The following GRM7 variants were observed in gnomAD, a reference collection of about 807,000 sequenced individuals.
GRM7 encodes the protein glutamate metabotropic receptor 7, also known as metabotropic glutamate receptor 7.
Under a neutral mutation model 84.5 loss-of-function variants are expected in GRM7, and 35 were observed. The observed-to-expected ratio is 0.41, with a 90% CI of 0.32 to 0.55. GRM7 has a LOEUF of 0.55. Among genes scored for constraint, GRM7 ranks in the 20% least tolerant of loss-of-function variants. GRM7 has a pLI of 0.19. For synonymous variants in GRM7, 487 were observed against 455.1 expected (o/e 1.07, Z -0.89); for missense variants, 1,003 against 1,194.6 (o/e 0.84, Z 2.36).
At chr3:7,612,234 A>T (rs1291060175) in intron 8 of GRM7, among the ~76,000 whole-genome samples, 1 of 152,192 alleles carries the variant, frequency 6.6e-6, no homozygotes, top group African/African-American at 2.4e-5. Flanking sequence ...ACGTGCCCTT[A>T]GTCACTTTTC....
chr3:7,521,755 T>C (rs1222486795), intron 7 of GRM7, among the ~76,000 whole-genome samples: 1 of 152,218 alleles, frequency 6.6e-6, no homozygotes, highest in Admixed American at 6.5e-5. Flanking sequence ...GCCTCTCAGA[T>C]ACTGCTATGC....
At chr3:7,108,394 C>T (rs956790921) in intron 1 of GRM7, among the ~76,000 whole-genome samples, 3 of 152,014 alleles carry the variant, frequency 2.0e-5, no homozygotes, top group Non-Finnish European at 4.4e-5. Context: ...TTATTGAACA[C>T]AGGTCCACTA....
intron 9 of GRM7, among the ~76,000 whole-genome samples, chr3:7,733,610 G>C (rs537708920): frequency 2.8e-4 from 42 of 152,206 alleles, no homozygotes; most frequent in Admixed American, 1.5e-3. Flanking sequence ...TAACCTCCTG[G>C]GAATGCAGCT....
intron 1 of GRM7, among the ~76,000 whole-genome samples, chr3:6,897,317 G>T (rs1696219807): frequency 6.6e-6 from 1 of 152,302 alleles, no homozygotes; most frequent in South Asian, 2.1e-4. Flanking sequence ...CTTGGGCCTT[G>T]CCCTAGACGG....
At chr3:7,634,602 A>G (rs1002337858) in intron 8 of GRM7, among the ~76,000 whole-genome samples, 8 of 150,774 alleles carry the variant, frequency 5.3e-5, no homozygotes, top group Non-Finnish European at 8.8e-5. Context: ...AGACCATCCT[A>G]GCTAACAGAG....
At position 7,176,809 on chromosome 3, in the gene GRM7, T is replaced by G. The variant is rs1263349795; in HGVS notation, c.736+30141T>G. Among the ~76,000 whole-genome samples, 4 of 152,204 alleles carry G rather than the reference T, an allele frequency of 2.6e-5. No individual in the cohort carries two copies. The East Asian group carries it at 5.8e-4, about 22-fold the overall frequency. On this transcript the variant is annotated intron_variant, in intron 2 of 9. Transcript: ENST00000357716. ...TGACTGAGGTCCACACCTCAACTATTATTATAGCCAGAAAACTCATCCATC... is the reference window on the plus strand; with the variant it reads ...TGACTGAGGTCCACACCTCAACTATGATTATAGCCAGAAAACTCATCCATC...
At chr3:7,379,556 TTTC>T (rs1694502166) in intron 4 of GRM7, among the ~76,000 whole-genome samples, 1 of 152,208 alleles carries the variant, frequency 6.6e-6, no homozygotes, top group Non-Finnish European at 1.5e-5. Context: ...TATTCTTTAA[TTTC>T]TTAAAAATTA....
chr3:7,207,096 A>G (rs1313612609), intron 2 of GRM7, among the ~76,000 whole-genome samples: 1 of 152,190 alleles, frequency 6.6e-6, no homozygotes, highest in Non-Finnish European at 1.5e-5. Context: ...GAAGGAAAAC[A>G]ATGTTCGCTG....
chr3:7,362,662 A>G (rs902020203), intron 4 of GRM7, among the ~76,000 whole-genome samples: 3 of 152,030 alleles, frequency 2.0e-5, no homozygotes, highest in African/African-American at 4.8e-5. Context: ...AACATACCTT[A>G]TGCGTGCTTC....
chr3:7,653,320 T>C (rs1037568602), intron 8 of GRM7, among the ~76,000 whole-genome samples: 1 of 151,482 alleles, frequency 6.6e-6, no homozygotes, highest in East Asian at 2.0e-4. Context: ...GCCTCTCTAC[T>C]AGTCTTCAGA....
At chr3:6,869,701 C>T (rs1315164968) in intron 1 of GRM7, among the ~76,000 whole-genome samples, 1 of 151,838 alleles carries the variant, frequency 6.6e-6, no homozygotes, top group Non-Finnish European at 1.5e-5. Context: ...ACAGAGAGAA[C>T]ATTTTAGTGA....
intron 1 of GRM7, among the ~76,000 whole-genome samples, chr3:7,038,956 A>G (rs1478059781): frequency 6.6e-6 from 1 of 152,126 alleles, no homozygotes; most frequent in Non-Finnish European, 1.5e-5. Flanking sequence ...TCTCCTGGAA[A>G]CTACATATGC....
intron 9 of GRM7, among the ~76,000 whole-genome samples, chr3:7,694,000 C>A (rs1700918573): frequency 6.6e-6 from 1 of 152,136 alleles, no homozygotes; most frequent in African/African-American, 2.4e-5. Context: ...TACTGAAAAG[C>A]CAGTCTCTTT....
chr3:7,256,110 T>G (rs114178341), intron 2 of GRM7, among the ~76,000 whole-genome samples: 5,032 of 152,258 alleles, frequency 0.033, 267 homozygotes, highest in African/African-American at 0.11. Context: ...TCCAGAGCCC[T>G]TGTCTGGTGT....
intron 1 of GRM7, among the ~76,000 whole-genome samples, chr3:7,036,489 G>A (rs1196824654): frequency 6.6e-6 from 1 of 151,908 alleles, no homozygotes; most frequent in Non-Finnish European, 1.5e-5. Context: ...AGCTTACATG[G>A]GATTATAGAA....
chr3:7,021,879 G>A (rs1695789146), intron 1 of GRM7, among the ~76,000 whole-genome samples: 1 of 152,110 alleles, frequency 6.6e-6, no homozygotes, highest in African/African-American at 2.4e-5. Context: ...TGTTTCAGTA[G>A]CACATAGCAC....
At chr3:7,482,955 T>C (rs573140382) in intron 7 of GRM7, among the ~76,000 whole-genome samples, 3 of 152,348 alleles carry the variant, frequency 2.0e-5, no homozygotes, top group Admixed American at 6.5e-5. Context: ...ATTTTCCTAC[T>C]ATTTAAAATT....
intron 8 of GRM7, among the ~76,000 whole-genome samples, chr3:7,606,363 G>GT (rs1320635196): frequency 2.6e-5 from 4 of 152,012 alleles, no homozygotes; most frequent in Admixed American, 6.5e-5. Context: ...AAGCCTTATG[G>GT]TTTTTTATAC....
At chr3:7,273,250 T>C (rs187717453) in intron 2 of GRM7, among the ~76,000 whole-genome samples, 44 of 152,028 alleles carry the variant, frequency 2.9e-4, no homozygotes, top group Non-Finnish European at 4.7e-4. Flanking sequence ...AATAATGTGT[T>C]GAGATGTGTT....
Sources: gnomAD v4.1 joint callset for allele counts (sites outside exome capture counted in the v4.1 genomes callset) on GRCh38, gnomAD v4.1.1 for gene constraint, MANE v1.5 for transcripts, NCBI Gene and HGNC (gene_info 2026-07-23, HGNC 2026-07-21) for gene names.